The following DBT variants were observed in gnomAD, a reference collection of about 807,000 sequenced individuals.
DBT encodes the protein lipoamide acyltransferase component of branched-chain alpha-keto acid dehydrogenase complex, mitochondrial.
Under a neutral mutation model 51.3 loss-of-function variants are expected in DBT, and 40 were observed. That is an observed-to-expected ratio of 0.78 (90% CI 0.61 to 1.02). The LOEUF (loss-of-function observed/expected upper bound fraction) is 1.02, where lower values mean the gene tolerates loss of function less well. Among genes scored for constraint, DBT ranks in the 50% least tolerant of loss-of-function variants. DBT has a pLI of 0.00. For synonymous variants in DBT, 181 were observed against 190.4 expected (o/e 0.95, Z 0.41); for missense variants, 510 against 580.2 (o/e 0.88, Z 1.24).
chr1:100,223,537 A>G (rs4908046), intron 4 of DBT, among the ~76,000 whole-genome samples: 149,658 of 152,288 alleles, frequency 0.98, 73,597 homozygotes, highest in Middle Eastern at 1. Flanking sequence ...CACAAGCATA[A>G]CTCAATGCAG....
intron 4 of DBT, among the ~76,000 whole-genome samples, chr1:100,229,961 T>TTG (rs1313069954): frequency 6.6e-6 from 1 of 152,246 alleles, no homozygotes; most frequent in Non-Finnish European, 1.5e-5. Context: ...GCTGGTATCT[T>TTG]TGCTTTCATT....
intron 4 of DBT, among the ~76,000 whole-genome samples, chr1:100,219,325 C>T (rs1284573631): frequency 1.3e-5 from 2 of 151,590 alleles, no homozygotes; most frequent in Non-Finnish European, 1.5e-5. Flanking sequence ...GCACTCCAGC[C>T]TGGATGACAG....
chr1:100,192,273 A>G lies in DBT; in HGVS notation c.*3982T>C, dbSNP rs1660850352. ...TATTGGCACAGACCCACTTCCAGTGATAGCTTTAATTATTGGCTAAAGCTT... is the reference window on the plus strand; with the variant it reads ...TATTGGCACAGACCCACTTCCAGTGGTAGCTTTAATTATTGGCTAAAGCTT... On this transcript the variant is annotated 3_prime_UTR_variant, in exon 11 of 11. Transcript: ENST00000370132. 1 of 152,244 alleles carries G rather than the reference A, an allele frequency of 6.6e-6. No homozygotes were observed. The highest frequency in any genetic ancestry group is 2.1e-4 in the South Asian group (1 of 4,828). The allele number at this position is 152,244 out of a possible 1,614,324, so 9.4% of individuals were successfully genotyped here.
At chr1:100,241,448 T>A (rs1044128866) in intron 1 of DBT, among the ~76,000 whole-genome samples, 51 of 150,912 alleles carry the variant, frequency 3.4e-4, no homozygotes, top group African/African-American at 1.2e-3. Flanking sequence ...CAGGCTGGAG[T>A]GCAGTGGTGC....
At chr1:100,205,035 C>T (rs1661680778) in intron 10 of DBT, among the ~76,000 whole-genome samples, 1 of 152,182 alleles carries the variant, frequency 6.6e-6, no homozygotes, top group Admixed American at 6.5e-5. Flanking sequence ...CCATTTAGGA[C>T]ATAGGCATAG....
chr1:100,203,719 C>G (rs1484138043), intron 10 of DBT, among the ~76,000 whole-genome samples: 1 of 152,172 alleles, frequency 6.6e-6, no homozygotes, highest in African/African-American at 2.4e-5. Flanking sequence ...ACTGGCAAAC[C>G]GAATCCAGCA....
At chr1:100,226,476 G>A (rs1156387066) in intron 4 of DBT, among the ~76,000 whole-genome samples, 1 of 151,548 alleles carries the variant, frequency 6.6e-6, no homozygotes, top group Admixed American at 6.6e-5. Flanking sequence ...GTAGAGATGG[G>A]GTCTCGTTAT....
intron 5 of DBT, among the ~76,000 whole-genome samples, chr1:100,217,088 C>T (rs1019435036): frequency 6.6e-6 from 1 of 152,070 alleles, no homozygotes; most frequent in African/African-American, 2.4e-5. Context: ...TTTAAACAAA[C>T]TCAATTCATA....
intron 7 of DBT, 188 bp from the exon 8 acceptor site, chr1:100,210,959 C>A: frequency 1.8e-6 from 2 of 1,100,752 alleles, no homozygotes; most frequent in South Asian, 1.5e-5. Flanking sequence ...AACTAGGTCA[C>A]CCTAATCATT....
At chr1:100,223,555 C>T (rs1391690438) in intron 4 of DBT, among the ~76,000 whole-genome samples, 1 of 152,210 alleles carries the variant, frequency 6.6e-6, no homozygotes, top group African/African-American at 2.4e-5. Context: ...CAGCCTCAAA[C>T]TCCTGGGCTC....
At position 100,190,840 on chromosome 1, in the gene DBT, C is replaced by T. The variant is rs1660775455; in HGVS notation, c.*5415G>A. On this transcript the variant is annotated 3_prime_UTR_variant, in exon 11 of 11. Coordinates refer to ENST00000370132, the MANE Select transcript of DBT (RefSeq NM_001918.5). ...GCTTATTATGACAAGCCTGGGAAGA[C>T]GTTTGGGTAGGTGCTTAAAATTAGA... 6.6e-6 allele frequency: 1 copy of T among 152,166 alleles called. No individual in the cohort carries two copies. The highest frequency in any genetic ancestry group is 2.4e-5 in the African/African-American group (1 of 41,434). 9.4% of individuals were successfully genotyped at this position (152,166 alleles called of 1,614,324 possible).
At chr1:100,236,405 C>T (rs1179027088) in intron 2 of DBT, among the ~76,000 whole-genome samples, 1 of 152,188 alleles carries the variant, frequency 6.6e-6, no homozygotes, top group African/African-American at 2.4e-5. Flanking sequence ...CAGGAATGCT[C>T]CTGTATCTTT....
chr1:100,196,249 C>T lies in DBT; in HGVS notation c.*6G>A. On this transcript the variant is annotated 3_prime_UTR_variant, in exon 11 of 11. Coordinates refer to ENST00000370132, the MANE Select transcript of DBT (RefSeq NM_001918.5). ...CTCAAAAAGTTCAAGAATGTCTTAT[C>T]AGTCTTCATTTCAGATCTAGTAGCA... 6.2e-7 allele frequency: 1 copy of T among 1,613,040 alleles called. No homozygotes were observed. Among genetic ancestry groups the T allele is most frequent in the East Asian group, 2.2e-5 (1 of 44,858 alleles).
intron 1 of DBT, among the ~76,000 whole-genome samples, chr1:100,246,190 G>A (rs1445179114): frequency 1.3e-5 from 2 of 151,950 alleles, no homozygotes; most frequent in Non-Finnish European, 2.9e-5. Flanking sequence ...CCCGGGAGGC[G>A]GAGGTTGCAG....
intron 3 of DBT, among the ~76,000 whole-genome samples, chr1:100,234,178 G>A (rs1034220116): frequency 2.6e-5 from 4 of 152,130 alleles, no homozygotes; most frequent in South Asian, 2.1e-4. Flanking sequence ...TTAATATTTC[G>A]CAAAGAACTT....
intron 2 of DBT, among the ~76,000 whole-genome samples, chr1:100,236,031 C>A (rs1311428884): frequency 2.0e-5 from 3 of 152,132 alleles, no homozygotes; most frequent in African/African-American, 7.2e-5. Flanking sequence ...GCCACCTTAT[C>A]CCTAAGTCGT....
intron 8 of DBT, among the ~76,000 whole-genome samples, chr1:100,208,920 A>G (rs925331145): frequency 6.6e-6 from 1 of 150,750 alleles, no homozygotes; most frequent in Non-Finnish European, 1.5e-5. Context: ...CAAAAAAAAA[A>G]AAAAAAGAAA....
chr1:100,243,480 A>T (rs1176217053), intron 1 of DBT, among the ~76,000 whole-genome samples: 1 of 151,792 alleles, frequency 6.6e-6, no homozygotes, highest in Non-Finnish European at 1.5e-5. Context: ...ATGTCCAGCT[A>T]AACTTTTTTT....
intron 3 of DBT, among the ~76,000 whole-genome samples, chr1:100,233,916 G>A (rs554867767): frequency 5.1e-4 from 78 of 152,336 alleles, no homozygotes; most frequent in South Asian, 4.1e-3. Context: ...CCTAATGCTT[G>A]CTTGGACCAG....
Sources: gnomAD v4.1 joint callset for allele counts (sites outside exome capture counted in the v4.1 genomes callset) on GRCh38, gnomAD v4.1.1 for gene constraint, MANE v1.5 for transcripts, NCBI Gene and HGNC (gene_info 2026-07-23, HGNC 2026-07-21) for gene names.